Variants in SLC35D4 observed in about 807,000 individuals in gnomAD.
SLC35D4 encodes solute carrier family 35 member D4, also known as UDP-N-acetylglucosamine transporter SLC35D4.
chr18:23,408,707 A>C, the SLC35D4 span, among the ~76,000 whole-genome samples: 2 of 152,246 alleles, frequency 1.3e-5, no homozygotes, highest in Admixed American at 1.3e-4. Context: ...CTGTGACAAC[A>C]ACAAACTAAC....
chr18:23,238,754 A>G, the SLC35D4 span, among the ~76,000 whole-genome samples: 1 of 152,248 alleles, frequency 6.6e-6, no homozygotes, highest in East Asian at 1.9e-4. Context: ...CAGGGAGTCC[A>G]AGTGAGGCTT....
the SLC35D4 span, among the ~76,000 whole-genome samples, chr18:23,323,295 G>T: frequency 6.6e-6 from 1 of 152,234 alleles, no homozygotes; most frequent in African/African-American, 2.4e-5. Flanking sequence ...TAGCAGTAAT[G>T]GAGGTGAAAG....
At chr18:23,342,730 C>T in the SLC35D4 span, among the ~76,000 whole-genome samples, 9 of 152,202 alleles carry the variant, frequency 5.9e-5, no homozygotes, top group Non-Finnish European at 1.3e-4. Context: ...CAACATTTGG[C>T]ACTGTCTGTA....
the SLC35D4 span, among the ~76,000 whole-genome samples, chr18:23,347,372 T>C: frequency 6.6e-6 from 1 of 151,990 alleles, no homozygotes; most frequent in Admixed American, 6.6e-5. Context: ...AGTAACATCT[T>C]TTTCATTTCC....
chr18:23,395,617 CCT>C, the SLC35D4 span, among the ~76,000 whole-genome samples: 2 of 152,234 alleles, frequency 1.3e-5, no homozygotes, highest in Admixed American at 1.3e-4. Flanking sequence ...GCCAGGATGG[CCT>C]CTCTCCACCA....
the SLC35D4 span, among the ~76,000 whole-genome samples, chr18:23,332,159 C>T: frequency 6.6e-4 from 100 of 152,030 alleles, no homozygotes; most frequent in Non-Finnish European, 1.2e-3. Context: ...TCTTCCAAAG[C>T]CCTGGGATTA....
the SLC35D4 span, among the ~76,000 whole-genome samples, chr18:23,383,444 G>A: frequency 2.3e-4 from 35 of 152,106 alleles, no homozygotes; most frequent in East Asian, 6.7e-3. Context: ...GGGGGGAATG[G>A]TGGAAACAGA....
At chr18:23,432,347 A>G in the SLC35D4 span, among the ~76,000 whole-genome samples, 63,201 of 151,980 alleles carry the variant, frequency 0.42, 14,366 homozygotes, top group Middle Eastern at 0.52. Context: ...ACAAAATGCT[A>G]TTCTATTGAA....
chr18:23,317,188 T>G, the SLC35D4 span, among the ~76,000 whole-genome samples: 1 of 150,624 alleles, frequency 6.6e-6, no homozygotes, highest in Non-Finnish European at 1.5e-5. Flanking sequence ...CACACCCCAC[T>G]AATATCCTGT....
chr18:23,244,300 C>T, the SLC35D4 span, among the ~76,000 whole-genome samples: 1 of 152,200 alleles, frequency 6.6e-6, no homozygotes, highest in Non-Finnish European at 1.5e-5. Context: ...TCCCCATGGC[C>T]ATGTAAACCT....
the SLC35D4 span, among the ~76,000 whole-genome samples, chr18:23,351,004 T>G: frequency 6.6e-6 from 1 of 152,186 alleles, no homozygotes; most frequent in Non-Finnish European, 1.5e-5. Flanking sequence ...TTTCTAGCTG[T>G]TTTTTGGGAA....
chr18:23,343,484 G>A, the SLC35D4 span, among the ~76,000 whole-genome samples: 24 of 152,068 alleles, frequency 1.6e-4, no homozygotes, highest in South Asian at 1.9e-3. Context: ...CAGGTGATCC[G>A]CTCACCTCCG....
the SLC35D4 span, among the ~76,000 whole-genome samples, chr18:23,418,213 T>C: frequency 6.6e-6 from 1 of 152,096 alleles, no homozygotes; most frequent in Non-Finnish European, 1.5e-5. Context: ...GTGTGGAATA[T>C]TCCTTCTGAA....
the SLC35D4 span, among the ~76,000 whole-genome samples, chr18:23,300,825 A>C: frequency 6.6e-6 from 1 of 152,262 alleles, no homozygotes; most frequent in Admixed American, 6.5e-5. Flanking sequence ...AGAAATATCC[A>C]TCACTAGCTT....
the SLC35D4 span, among the ~76,000 whole-genome samples, chr18:23,276,449 A>G: frequency 5.4e-5 from 8 of 148,636 alleles, no homozygotes; most frequent in African/African-American, 1.7e-4. Context: ...TTTTTTTTAG[A>G]AAAAGGAAGA....
chr18:23,245,655 C>T, the SLC35D4 span, among the ~76,000 whole-genome samples: 2 of 152,228 alleles, frequency 1.3e-5, no homozygotes, highest in Admixed American at 6.5e-5. Flanking sequence ...AGACTGTCTC[C>T]AGCAGGGCAG....
chr18:23,366,876 T>C, the SLC35D4 span, among the ~76,000 whole-genome samples: 1 of 152,160 alleles, frequency 6.6e-6, no homozygotes, highest in Non-Finnish European at 1.5e-5. Flanking sequence ...CATTGAGAAG[T>C]TGTAGGTTTA....
At chr18:23,433,170 C>T in the SLC35D4 span, among the ~76,000 whole-genome samples, 2 of 151,584 alleles carry the variant, frequency 1.3e-5, no homozygotes, top group Non-Finnish European at 2.9e-5. Context: ...AGTGGTGTTC[C>T]TGCCTCAGCC....
the SLC35D4 span, among the ~76,000 whole-genome samples, chr18:23,255,863 G>A: frequency 6.6e-6 from 1 of 151,992 alleles, no homozygotes; most frequent in Non-Finnish European, 1.5e-5. Context: ...ACCCGGCCAA[G>A]AATTAATGAA....
Sources: allele counts gnomAD v4.1 joint callset (sites outside exome capture counted in the v4.1 genomes callset), GRCh38; gene constraint gnomAD v4.1.1; transcripts MANE v1.5; gene names NCBI Gene and HGNC (gene_info 2026-07-23, HGNC 2026-07-21).